The following ST6GALNAC5 variants were observed in gnomAD, a reference collection of about 807,000 sequenced individuals.
The protein encoded by ST6GALNAC5 is ST6 N-acetylgalactosaminide alpha-2,6-sialyltransferase 5.
In ST6GALNAC5, 27 loss-of-function variants were observed where a neutral mutation model predicts 33.6. That is an observed-to-expected ratio of 0.80 (90% CI 0.59 to 1.11). The LOEUF is 1.11. Among genes scored for constraint, ST6GALNAC5 ranks in the 50% least tolerant of loss-of-function variants. The probability of loss-of-function intolerance (pLI) is 0.00; values close to 1 mark genes in which losing one functional copy is unlikely to be tolerated. For synonymous variants in ST6GALNAC5, 194 were observed against 171.2 expected (o/e 1.13, Z -1.04); for missense variants, 428 against 454.0 (o/e 0.94, Z 0.52).
At chr1:77,060,440 A>G (rs1652537915) in intron 4 of ST6GALNAC5, among the ~76,000 whole-genome samples, 1 of 152,108 alleles carries the variant, frequency 6.6e-6, no homozygotes, top group African/African-American at 2.4e-5. Flanking sequence ...TTCAGCTAGG[A>G]GTGTCTTTCT....
Position 76,958,463 on chromosome 1 carries a change from C to T in ST6GALNAC5, c.262-85741C>T, listed in dbSNP as rs114850654. Among the ~76,000 whole-genome samples the T allele has an allele frequency of 3.7e-3, 570 of 152,224 alleles. 3 individuals carry two copies. The highest frequency in any genetic ancestry group is 0.013 in the African/African-American group (547 of 41,552). Reference sequence around the variant, plus strand: ...TATTGACTTTGTGGGGATGTCATCACTGTTTCATGTTTTAATTATCTTGCG... The same window carrying T: ...TATTGACTTTGTGGGGATGTCATCATTGTTTCATGTTTTAATTATCTTGCG... On this transcript the variant is annotated intron_variant, in intron 2 of 4. Coordinates refer to ENST00000477717, the MANE Select transcript of ST6GALNAC5 (RefSeq NM_030965.3).
At chr1:76,900,824 C>A (rs976322674) in intron 2 of ST6GALNAC5, among the ~76,000 whole-genome samples, 1 of 152,076 alleles carries the variant, frequency 6.6e-6, no homozygotes, top group African/African-American at 2.4e-5. Context: ...CTAGTGAATG[C>A]TTTTTCATAG....
At chr1:76,876,505 T>G (rs1653641924) in intron 2 of ST6GALNAC5, among the ~76,000 whole-genome samples, 1 of 152,218 alleles carries the variant, frequency 6.6e-6, no homozygotes, top group African/African-American at 2.4e-5. Flanking sequence ...TATCTTCACA[T>G]TTTTTGACCC....
intron 2 of ST6GALNAC5, among the ~76,000 whole-genome samples, chr1:77,035,244 C>G (rs1412911625): frequency 6.6e-6 from 1 of 152,148 alleles, no homozygotes; most frequent in Non-Finnish European, 1.5e-5. Flanking sequence ...CAATATTATT[C>G]CATAAGTCTA....
Position 77,044,549 on chromosome 1 carries a change from A to C in ST6GALNAC5, c.607A>C (p.Met203Leu), listed in dbSNP as rs151200060. 2.5e-6 allele frequency: 4 copies of C among 1,603,086 alleles called. No homozygotes were observed. Among genetic ancestry groups the C allele is most frequent in the Non-Finnish European group, 3.4e-6 (4 of 1,173,664 alleles). ...SQVLPRLKAF[M>L]ITRHKMLQFD... is the part of the protein sequence containing the mutation. ...GGTGCTGCCCCGGCTGAAGGCCTTC[A>C]TGATTACTCGCCACAAGATGCTGCA... The change falls in exon 3 of 5, where the codon ATG (methionine) becomes CTG (leucine). Residue 203 changes from methionine (M) to leucine (L), a missense_variant. By Grantham distance (15) the Met-to-Leu change is conservative. Coordinates refer to ENST00000477717, the MANE Select transcript of ST6GALNAC5 (RefSeq NM_030965.3).
At chr1:77,013,062 G>A (rs1450550823) in intron 2 of ST6GALNAC5, among the ~76,000 whole-genome samples, 1 of 152,152 alleles carries the variant, frequency 6.6e-6, no homozygotes, top group Non-Finnish European at 1.5e-5. Flanking sequence ...AGACCTCCCT[G>A]GCAGAAGGAG....
chr1:76,913,347 T>A (rs1646933838), intron 2 of ST6GALNAC5, among the ~76,000 whole-genome samples: 1 of 151,258 alleles, frequency 6.6e-6, no homozygotes, highest in African/African-American at 2.5e-5. Flanking sequence ...TGGCTGCCCT[T>A]AACATTTTTT....
chr1:76,895,728 A>G (rs1045549658), intron 2 of ST6GALNAC5, among the ~76,000 whole-genome samples: 2 of 152,210 alleles, frequency 1.3e-5, no homozygotes, highest in Non-Finnish European at 2.9e-5. Flanking sequence ...AGAGCAGGGC[A>G]TGTATGAGTA....
intron 2 of ST6GALNAC5, among the ~76,000 whole-genome samples, chr1:77,006,837 G>C (rs924546701): frequency 4.6e-5 from 7 of 152,150 alleles, no homozygotes; most frequent in Admixed American, 2.0e-4. Flanking sequence ...TCATGTTTCT[G>C]TGGTCATTTG....
chr1:77,030,937 G>T (rs1006776621), intron 2 of ST6GALNAC5, among the ~76,000 whole-genome samples: 1 of 152,194 alleles, frequency 6.6e-6, no homozygotes, highest in Non-Finnish European at 1.5e-5. Flanking sequence ...CAGAGTCAGC[G>T]GAGTGAAGGC....
intron 2 of ST6GALNAC5, among the ~76,000 whole-genome samples, chr1:76,871,594 G>A (rs1014826526): frequency 1.3e-5 from 2 of 152,184 alleles, no homozygotes; most frequent in Non-Finnish European, 2.9e-5. Context: ...TCATATGGCT[G>A]CAGACTGAAT....
intron 2 of ST6GALNAC5, among the ~76,000 whole-genome samples, chr1:76,897,145 A>C (rs187515455): frequency 6.6e-6 from 1 of 152,174 alleles, no homozygotes; most frequent in Non-Finnish European, 1.5e-5. Flanking sequence ...GCTTTGCGGC[A>C]GTACAGCCTA....
At chr1:77,006,654 G>A (rs1229588036) in intron 2 of ST6GALNAC5, among the ~76,000 whole-genome samples, 1 of 152,108 alleles carries the variant, frequency 6.6e-6, no homozygotes, top group African/African-American at 2.4e-5. Context: ...CATTCCAGGT[G>A]ATGTTATGAT....
chr1:76,893,984 G>T (rs938173534), intron 2 of ST6GALNAC5, among the ~76,000 whole-genome samples: 1 of 152,106 alleles, frequency 6.6e-6, no homozygotes, highest in African/African-American at 2.4e-5. Context: ...TGATATTCAG[G>T]TTTTCTTTAA....
At chr1:76,939,191 G>A (rs979409921) in intron 2 of ST6GALNAC5, among the ~76,000 whole-genome samples, 12 of 151,984 alleles carry the variant, frequency 7.9e-5, no homozygotes, top group African/African-American at 2.9e-4. Flanking sequence ...GTGCCGTTGG[G>A]ACACTCGTGC....
At chr1:76,958,082 C>T (rs546938367) in intron 2 of ST6GALNAC5, among the ~76,000 whole-genome samples, 18 of 152,224 alleles carry the variant, frequency 1.2e-4, no homozygotes, top group African/African-American at 3.9e-4. Flanking sequence ...CCGCAGGAGA[C>T]GCTGTCTACT....
rs60357939 is a variant in ST6GALNAC5, at chr1:76,974,773, C to CTTTTTTTTTTTTTTTTTTTTTT, written c.262-69426_262-69405dup. 5.7e-5 allele frequency among the ~76,000 whole-genome samples: 2 copies of CTTTTTTTTTTTTTTTTTTTTTT among 35,246 alleles called. 1 individual carries two copies. The highest frequency in any genetic ancestry group is 9.3e-5 in the Non-Finnish European group (2 of 21,576). 23.1% of individuals were successfully genotyped at this position (35,246 alleles called of 152,430 possible). A position where few individuals can be genotyped will look rare whatever the true frequency, so the allele number is the denominator to read the frequency against. On this transcript the variant is annotated intron_variant, in intron 2 of 4. Transcript: ENST00000477717. The stretch of plus-strand genomic sequence containing the variant: ...ATATCTGTAAGTTTTTTCTTTCTTT[C>CTTTTTTTTTTTTTTTTTTTTTT]TTTTTTTTTTTTTTTTTTTTTTTTT...
rs567629605 is a variant in ST6GALNAC5, at chr1:76,933,512, G to C, written c.261+64770G>C. ...AAATGAAGAGAGGTGATGGACAAAGGCTAGGAAAAAGAGGCTGGCTTTAGA... is the reference window on the plus strand; with the variant it reads ...AAATGAAGAGAGGTGATGGACAAAGCCTAGGAAAAAGAGGCTGGCTTTAGA... On this transcript the variant is annotated intron_variant, in intron 2 of 4. Transcript: ENST00000477717. Among the ~76,000 whole-genome samples the C allele has an allele frequency of 2.6e-5, 4 of 152,058 alleles. No individual in the cohort carries two copies. The East Asian group carries it at 7.8e-4, about 30-fold the overall frequency.
At chr1:77,017,543 A>G (rs1053344849) in intron 2 of ST6GALNAC5, among the ~76,000 whole-genome samples, 26 of 152,158 alleles carry the variant, frequency 1.7e-4, no homozygotes, top group African/African-American at 6.0e-4. Flanking sequence ...GGACCCAGGG[A>G]TCCAGGTCCT....
Sources: allele counts gnomAD v4.1 joint callset (sites outside exome capture counted in the v4.1 genomes callset), GRCh38; gene constraint gnomAD v4.1.1; transcripts MANE v1.5; gene names NCBI Gene and HGNC (gene_info 2026-07-23, HGNC 2026-07-21).